The following KANSL1L variants were observed in gnomAD, a reference collection of about 807,000 sequenced individuals.
KANSL1L encodes the protein KAT8 regulatory NSL complex subunit 1-like protein.
A neutral mutation model predicts 108.6 loss-of-function variants in KANSL1L; 25 were observed. That is an observed-to-expected ratio of 0.23 (90% CI 0.17 to 0.32). KANSL1L has a LOEUF of 0.32. KANSL1L is among the 10% of genes least tolerant of loss of function. The pLI, the probability that KANSL1L is intolerant of heterozygous loss-of-function variation, is 1.00. For synonymous variants in KANSL1L, 405 were observed against 395.1 expected (o/e 1.03, Z -0.30); for missense variants, 1,137 against 1,125.7 (o/e 1.01, Z -0.14).
chr2:210,098,348 T>C (rs2094759207), intron 4 of KANSL1L, 141 bp from the exon 5 acceptor site: 1 of 704,904 alleles, frequency 1.4e-6, no homozygotes, highest in South Asian at 2.0e-5. Context: ...ACAAAGACAA[T>C]TTATACAACT....
chr2:210,028,868 T>C lies in KANSL1L; in HGVS notation c.2373A>G (p.Gln791=), dbSNP rs761266198. The C allele has an allele frequency of 7.5e-6, 12 of 1,595,198 alleles. No homozygotes were observed. Among genetic ancestry groups the C allele is most frequent in the Middle Eastern group, 1.7e-4 (1 of 6,036 alleles). The change falls in exon 11 of 15, where the codon CAA becomes CAG. Residue 791 remains glutamine (Q), a synonymous_variant. Coordinates refer to ENST00000281772, the MANE Select transcript of KANSL1L (RefSeq NM_152519.4). ...LVAPAKLEKL[Q]YKEILTPSWR... is the part of the protein sequence containing the mutation. ...ACCTTGGAGTAAGTATTTCCTTATA[T>C]TGGAGTTTCTCTAATTTAGCTGGGG...
At chr2:210,082,525 T>C (rs2094598515) in intron 5 of KANSL1L, among the ~76,000 whole-genome samples, 2 of 152,162 alleles carry the variant, frequency 1.3e-5, no homozygotes, top group South Asian at 4.1e-4. Context: ...ACCAGGACAA[T>C]GATTAACTGA....
At chr2:210,114,073 T>A (rs1340594866) in intron 3 of KANSL1L, among the ~76,000 whole-genome samples, 1 of 152,038 alleles carries the variant, frequency 6.6e-6, no homozygotes, top group East Asian at 1.9e-4. Flanking sequence ...ATTACAAATA[T>A]CAAAAGCTGA....
At chr2:210,072,722 G>T (rs955429259) in intron 6 of KANSL1L, among the ~76,000 whole-genome samples, 1 of 152,146 alleles carries the variant, frequency 6.6e-6, no homozygotes, top group Non-Finnish European at 1.5e-5. Context: ...CTCAGCTGCT[G>T]CTCACCTCCT....
In KANSL1L at chr2:210,075,571, G is replaced by A. The variant is rs762401011; in HGVS notation, c.1736C>T (p.Thr579Ile). 6.8e-6 allele frequency: 11 copies of A among 1,613,428 alleles called. No homozygotes were observed. In the Admixed American group the frequency reaches 1.5e-4, roughly 22 times the overall value. ...CCTTACCTGTGGAGTCCAATAAAAA[G>A]TAGGGCTCAATCTGTACAGTTTTCG... The part of the protein sequence containing the change: ...HKRKLYRLSP[T>I]FYWTPQTLPS... Residue 579 changes from threonine to isoleucine, a missense_variant, in exon 6 of 15, where the codon ACT becomes ATT. This residue lies in a region of KANSL1L where 575 missense variants were observed against 567.1 expected (regional missense o/e 1.01). Transcript: ENST00000281772.
intron 2 of KANSL1L, among the ~76,000 whole-genome samples, chr2:210,134,895 T>A (rs2095160003): frequency 6.6e-6 from 1 of 152,006 alleles, no homozygotes; most frequent in African/African-American, 2.4e-5. Flanking sequence ...CAGTGGTGTC[T>A]CCAATAAGAG....
chr2:210,115,653 G>A (rs998727823), intron 3 of KANSL1L, among the ~76,000 whole-genome samples: 1 of 152,258 alleles, frequency 6.6e-6, no homozygotes, highest in South Asian at 2.1e-4. Flanking sequence ...TGACATCACA[G>A]CCTAAATTTA....
At chr2:210,097,626 T>G (rs899801548) in intron 5 of KANSL1L, among the ~76,000 whole-genome samples, 3 of 152,144 alleles carry the variant, frequency 2.0e-5, no homozygotes, top group Admixed American at 6.6e-5. Flanking sequence ...TAAAAAAAAT[T>G]TACCTTATAT....
chr2:210,130,097 T>A (rs2095107060), intron 2 of KANSL1L, among the ~76,000 whole-genome samples: 1 of 152,126 alleles, frequency 6.6e-6, no homozygotes, highest in African/African-American at 2.4e-5. Context: ...ATTCATTTAT[T>A]GTCAAAACCC....
At chr2:210,102,110 GTAT>G (rs1037354479) in intron 4 of KANSL1L, among the ~76,000 whole-genome samples, 1 of 152,096 alleles carries the variant, frequency 6.6e-6, no homozygotes, top group Non-Finnish European at 1.5e-5. Flanking sequence ...TAGATGTGTG[GTAT>G]TATTTCTGAG....
intron 8 of KANSL1L, chr2:210,032,739 G>A: frequency 6.6e-6 from 1 of 152,212 alleles, no homozygotes. Context: ...AAACAGCAGT[G>A]GTAGAAGAGT....
intron 2 of KANSL1L, among the ~76,000 whole-genome samples, chr2:210,141,917 T>C (rs2095232672): frequency 6.6e-6 from 1 of 152,170 alleles, no homozygotes; most frequent in African/African-American, 2.4e-5. Context: ...CTGTGGTGAA[T>C]GATCCTTTTA....
chr2:210,123,527 T>C (rs1575576473), intron 3 of KANSL1L, among the ~76,000 whole-genome samples: 3 of 151,664 alleles, frequency 2.0e-5, no homozygotes, highest in East Asian at 1.9e-4. Context: ...TTACTAGAGG[T>C]TGGGAAGGGT....
intron 6 of KANSL1L, among the ~76,000 whole-genome samples, chr2:210,050,653 C>A (rs1193697118): frequency 1.5e-5 from 2 of 131,386 alleles, no homozygotes; most frequent in African/African-American, 5.8e-5. Context: ...CCAAGGAGTT[C>A]AAGACCAGCC....
In KANSL1L at chr2:210,082,949, C is replaced by T. The variant is rs1044023728; in HGVS notation, c.1551-7193G>A. ...GTGTCTCCTCAAAGCTCATGTCTAC[C>T]CAGAACCTCAGAATGTAACATTATT... On this transcript the variant is annotated intron_variant, in intron 5 of 14. Coordinates refer to ENST00000281772, the MANE Select transcript of KANSL1L (RefSeq NM_152519.4). Among the ~76,000 whole-genome samples, 5 of 152,104 alleles carry T rather than the reference C, an allele frequency of 3.3e-5. 1 individual carries two copies. Among genetic ancestry groups the T allele is most frequent in the Admixed American group, 3.3e-4 (5 of 15,272 alleles).
intron 6 of KANSL1L, among the ~76,000 whole-genome samples, chr2:210,056,261 C>T (rs927673593): frequency 1.1e-4 from 16 of 152,246 alleles, no homozygotes; most frequent in African/African-American, 3.4e-4. Context: ...GCCTAGCCAT[C>T]GTGCACAGCC....
At chr2:210,161,824 T>G (rs540299779) in intron 1 of KANSL1L, among the ~76,000 whole-genome samples, 1 of 152,152 alleles carries the variant, frequency 6.6e-6, no homozygotes, top group East Asian at 1.9e-4. Flanking sequence ...GTAAACAATT[T>G]GTTCAAGGCA....
In KANSL1L at chr2:210,099,328, G is replaced by T. The variant is rs186898475; in HGVS notation, c.1429-1121C>A. ...AGATACTCTATTGTGAAATAAAGGG[G>T]TATATGAAATAATTATTTTAGAATG... is the stretch of plus-strand genomic sequence containing the variant. On this transcript the variant is annotated intron_variant, in intron 4 of 14. Transcript: ENST00000281772. Among the ~76,000 whole-genome samples, 170 of 152,180 alleles carry T rather than the reference G, an allele frequency of 1.1e-3. 2 individuals are homozygous for T. The highest frequency in any genetic ancestry group is 6.5e-4 in the Non-Finnish European group (44 of 67,982).
chr2:210,062,454 G>C (rs2094430004), intron 6 of KANSL1L, among the ~76,000 whole-genome samples: 1 of 152,218 alleles, frequency 6.6e-6, no homozygotes, highest in African/African-American at 2.4e-5. Context: ...AAATGTGGAA[G>C]CGACTTTGGA....
Sources: allele counts gnomAD v4.1 joint callset (sites outside exome capture counted in the v4.1 genomes callset), GRCh38; gene constraint gnomAD v4.1.1; regional missense constraint gnomAD v4.1.1; transcripts MANE v1.5; gene names NCBI Gene and HGNC (gene_info 2026-07-23, HGNC 2026-07-21).